The following CLASP1 variants were observed in gnomAD, a reference collection of about 807,000 sequenced individuals.
CLASP1 encodes the protein CLIP-associating protein 1.
Under a neutral mutation model 192.3 loss-of-function variants are expected in CLASP1, and 38 were observed. That is an observed-to-expected ratio of 0.20 (90% confidence interval 0.15 to 0.26). The LOEUF (loss-of-function observed/expected upper bound fraction) is 0.26, where lower values mean the gene tolerates loss of function less well. CLASP1 is among the 10% of genes least tolerant of loss of function. The pLI is 1.00. For synonymous variants in CLASP1, 691 were observed against 712.8 expected (o/e 0.97, Z 0.49); for missense variants, 1,433 against 1,932.5 (o/e 0.74, Z 4.85).
intron 3 of CLASP1, among the ~76,000 whole-genome samples, 173 bp downstream of exon 3, chr2:121,530,074 T>A (rs1033766635): frequency 8.9e-6 from 1 of 112,938 alleles, no homozygotes; most frequent in Non-Finnish European, 1.8e-5. Context: ...TGCGAGTGCT[T>A]AGGGGGGCTG....
At chr2:121,410,388 C>T (rs2077523342) in intron 24 of CLASP1, among the ~76,000 whole-genome samples, 1 of 152,026 alleles carries the variant, frequency 6.6e-6, no homozygotes, top group Non-Finnish European at 1.5e-5. Flanking sequence ...GGAAAAACAA[C>T]ATAAAATCAA....
At chr2:121,360,328 A>G (rs2066139869) in intron 37 of CLASP1, among the ~76,000 whole-genome samples, 1 of 152,242 alleles carries the variant, frequency 6.6e-6, no homozygotes, top group South Asian at 2.1e-4. Flanking sequence ...TTAATAAGAC[A>G]GGAAAATAGA....
intron 37 of CLASP1, among the ~76,000 whole-genome samples, chr2:121,352,124 G>C (rs1266774875): frequency 6.6e-6 from 1 of 152,234 alleles, no homozygotes; most frequent in African/African-American, 2.4e-5. Context: ...GCTACCTGAT[G>C]CACTTCTTGT....
chr2:121,434,933 T>C (rs1574788346), intron 19 of CLASP1, among the ~76,000 whole-genome samples: 2 of 152,104 alleles, frequency 1.3e-5, no homozygotes, highest in African/African-American at 4.8e-5. Context: ...ACAAATTTTT[T>C]TTTTGCCTTT....
At chr2:121,610,348 C>G (rs1176890076) in intron 1 of CLASP1, among the ~76,000 whole-genome samples, 1 of 100,366 alleles carries the variant, frequency 1.0e-5, no homozygotes, top group African/African-American at 4.1e-5. Context: ...GGAAGAGGAG[C>G]TGGAGGAGGA....
intron 36 of CLASP1, 52 bp downstream of exon 37, chr2:121,365,042 C>T (rs770334978): frequency 9.1e-6 from 14 of 1,539,220 alleles, no homozygotes; most frequent in African/African-American, 6.8e-5. Flanking sequence ...AAAAGGACAT[C>T]GTGACCCCAT....
chr2:121,427,272 A>G (rs2080569839), intron 21 of CLASP1, 132 bp downstream of exon 21: 4 of 1,153,440 alleles, frequency 3.5e-6, no homozygotes, highest in Middle Eastern at 2.0e-4. Flanking sequence ...GAATTTGAAC[A>G]CAAAGAAAAA....
intron 2 of CLASP1, among the ~76,000 whole-genome samples, chr2:121,600,306 C>A (rs2063649005): frequency 6.6e-6 from 1 of 152,172 alleles, no homozygotes; most frequent in Non-Finnish European, 1.5e-5. Context: ...AGTGCAAAAA[C>A]CACCTCTATT....
intron 2 of CLASP1, among the ~76,000 whole-genome samples, chr2:121,599,916 C>CAAAA (rs749861641): frequency 1.3e-5 from 1 of 78,454 alleles, no homozygotes. Context: ...GAGACTCTGT[C>CAAAA]AAAAAAAAAA....
At chr2:121,437,996 T>C (rs545980383) in intron 19 of CLASP1, among the ~76,000 whole-genome samples, 1 of 152,360 alleles carries the variant, frequency 6.6e-6, no homozygotes, top group East Asian at 1.9e-4. Flanking sequence ...TTTTAAACAC[T>C]TTAGTTATTT....
intron 25 of CLASP1, among the ~76,000 whole-genome samples, chr2:121,406,977 G>A (rs893297742): frequency 1.3e-5 from 2 of 152,164 alleles, no homozygotes; most frequent in African/African-American, 2.4e-5. Flanking sequence ...CAGCACTTTG[G>A]GGGGCAAAGG....
At chr2:121,572,571 G>A (rs1371007876) in intron 2 of CLASP1, among the ~76,000 whole-genome samples, 1 of 152,112 alleles carries the variant, frequency 6.6e-6, no homozygotes, top group African/African-American at 2.4e-5. Flanking sequence ...TGTGTGTGCT[G>A]GGAAAGAGGA....
intron 31 of CLASP1, among the ~76,000 whole-genome samples, chr2:121,387,524 ATGAC>A (rs2073509585): frequency 6.6e-6 from 1 of 152,324 alleles, no homozygotes; most frequent in Middle Eastern, 3.4e-3. Context: ...CAGTGAATGA[ATGAC>A]TAACTGGATA....
intron 37 of CLASP1, among the ~76,000 whole-genome samples, chr2:121,362,037 AG>A (rs1189511008): frequency 6.6e-6 from 1 of 152,248 alleles, no homozygotes; most frequent in Non-Finnish European, 1.5e-5. Context: ...AACGCCAAAC[AG>A]AACTATGATC....
chr2:121,595,639 C>A (rs531470630), intron 2 of CLASP1, among the ~76,000 whole-genome samples: 12 of 152,166 alleles, frequency 7.9e-5, no homozygotes, highest in Non-Finnish European at 1.6e-4. Context: ...TTTAACTCAC[C>A]CTTCACAGAC....
chr2:121,358,064 A>G (rs1183448928), intron 37 of CLASP1, among the ~76,000 whole-genome samples: 3 of 152,204 alleles, frequency 2.0e-5, no homozygotes. Flanking sequence ...ACCACTACCC[A>G]TCAATCATCA....
intron 22 of CLASP1, among the ~76,000 whole-genome samples, chr2:121,424,394 A>G (rs1291389086): frequency 6.6e-6 from 1 of 152,268 alleles, no homozygotes; most frequent in Non-Finnish European, 1.5e-5. Context: ...TTAAGAATAC[A>G]GTAGTCTGAT....
intron 1 of CLASP1, among the ~76,000 whole-genome samples, chr2:121,611,025 G>A (rs1243827553): frequency 6.9e-6 from 1 of 144,804 alleles, no homozygotes. Flanking sequence ...AGGAGGAAGA[G>A]GAACTGGAGG....
At chr2:121,460,219 GTTA>G in intron 11 of CLASP1, 94 bp from the exon 12 acceptor site, 1 of 1,026,810 alleles carries the variant, frequency 9.7e-7, no homozygotes, top group Non-Finnish European at 1.4e-6. Context: ...AGAGATCATT[GTTA>G]AAGTTCAACT....
Sources: allele counts gnomAD v4.1 joint callset (sites outside exome capture counted in the v4.1 genomes callset), GRCh38; gene constraint gnomAD v4.1.1; transcripts MANE v1.5; gene names NCBI Gene and HGNC (gene_info 2026-07-23, HGNC 2026-07-21).